ZRANB3: variants seen among roughly 807,000 people sequenced by gnomAD.
ZRANB3 encodes the protein zinc finger RANBP2-type containing 3, also known as DNA annealing helicase and endonuclease ZRANB3.
ZRANB3 carries 125 observed loss-of-function variants against 133.8 expected under a neutral mutation model. The observed-to-expected ratio is 0.93, with a 90% CI of 0.81 to 1.08. The LOEUF (loss-of-function observed/expected upper bound fraction) is 1.08. Among genes scored for constraint, ZRANB3 ranks in the 50% least tolerant of loss-of-function variants. ZRANB3 has a pLI of 0.00. For synonymous variants in ZRANB3, 387 were observed against 432.7 expected (o/e 0.89, Z 1.31); for missense variants, 1,229 against 1,275.5 (o/e 0.96, Z 0.56).
Position 135,390,795 on chromosome 2 carries a change from CACTT to C in ZRANB3, c.180+3_180+6del, listed in dbSNP as rs747114413. 1.2e-5 allele frequency: 18 copies of C among 1,525,152 alleles called. No individual in the cohort carries two copies. In the East Asian group the frequency reaches 2.7e-4, roughly 23 times the overall value. 94.5% of individuals were successfully genotyped at this position (1,525,152 alleles called of 1,614,324 possible). Reference sequence around the variant, plus strand: ...ATAAAAGACATAAAAACCATTGAAACACTTACTTCATCAGCCACCATACACCTGG... The same window carrying C: ...ATAAAAGACATAAAAACCATTGAAACACTTCATCAGCCACCATACACCTGG... On this transcript the variant is annotated splice_donor_5th_base_variant and intron_variant, in intron 3 of 20. Transcript: ENST00000264159.
At chr2:135,300,489 T>C (rs185680517) in intron 8 of ZRANB3, among the ~76,000 whole-genome samples, 233 of 152,302 alleles carry the variant, frequency 1.5e-3, no homozygotes, top group African/African-American at 5.2e-3. Flanking sequence ...AAAGAAAATT[T>C]CTACTATCTA....
At chr2:135,414,101 C>A (rs1688441352) in intron 2 of ZRANB3, among the ~76,000 whole-genome samples, 1 of 151,692 alleles carries the variant, frequency 6.6e-6, no homozygotes. Flanking sequence ...TCACACATAA[C>A]AATATTAACC....
intron 5 of ZRANB3, among the ~76,000 whole-genome samples, chr2:135,348,232 C>T (rs1685035619): frequency 1.3e-5 from 2 of 150,602 alleles, no homozygotes; most frequent in Admixed American, 6.6e-5. Flanking sequence ...GCACTCCAGC[C>T]TGGGCAACAG....
At position 135,403,886 on chromosome 2, in the gene ZRANB3, A is replaced by G. The variant is rs185459709; in HGVS notation, c.162-13066T>C. The stretch of plus-strand genomic sequence containing the variant: ...GCAAACTCCAACAGACCTGCAGCTG[A>G]GGGTCCTGACTGTTAGAAGGAAAAC... On this transcript the variant is annotated intron_variant, in intron 2 of 20. Transcript: ENST00000264159. Among the ~76,000 whole-genome samples, 840 of 152,356 alleles carry G rather than the reference A, an allele frequency of 5.5e-3. 5 individuals carry two copies. The highest frequency in any genetic ancestry group is 9.1e-3 in the Non-Finnish European group (616 of 68,034).
intron 2 of ZRANB3, among the ~76,000 whole-genome samples, chr2:135,461,291 C>T (rs1690751749): frequency 1.3e-5 from 2 of 152,108 alleles, no homozygotes; most frequent in South Asian, 4.1e-4. Context: ...TAAATCTGGC[C>T]AGGCACGGTG....
At chr2:135,396,152 A>G (rs1425717879) in intron 2 of ZRANB3, among the ~76,000 whole-genome samples, 2 of 152,206 alleles carry the variant, frequency 1.3e-5, no homozygotes, top group South Asian at 2.1e-4. Flanking sequence ...AATGAAAGAC[A>G]GGCAACAACA....
chr2:135,298,016 G>A (rs183089291), intron 8 of ZRANB3, among the ~76,000 whole-genome samples: 74 of 152,218 alleles, frequency 4.9e-4, no homozygotes, highest in Admixed American at 2.0e-3. Flanking sequence ...ATAACCTGAC[G>A]TCAGGAGTTA....
chr2:135,516,779 TG>T (rs1309186951), intron 1 of ZRANB3, among the ~76,000 whole-genome samples: 1 of 152,162 alleles, frequency 6.6e-6, no homozygotes, highest in Admixed American at 6.5e-5. Flanking sequence ...GGAGCATCTT[TG>T]TGGTGTTCTC....
chr2:135,375,634 G>A (rs988385308), intron 3 of ZRANB3, among the ~76,000 whole-genome samples: 3 of 151,600 alleles, frequency 2.0e-5, no homozygotes, highest in Non-Finnish European at 2.9e-5. Context: ...GCAGTGAGCC[G>A]AGATTGTGCC....
At chr2:135,411,758 A>C (rs1688312279) in intron 2 of ZRANB3, among the ~76,000 whole-genome samples, 1 of 152,028 alleles carries the variant, frequency 6.6e-6, no homozygotes, top group Non-Finnish European at 1.5e-5. Context: ...GCCACTGGGG[A>C]CTCCAAAAGG....
At chr2:135,493,030 T>A (rs904560177) in intron 2 of ZRANB3, among the ~76,000 whole-genome samples, 1 of 146,580 alleles carries the variant, frequency 6.8e-6, no homozygotes, top group Non-Finnish European at 1.5e-5. Context: ...TAACTAGATA[T>A]TGGTATGAAG....
At chr2:135,475,312 G>GA (rs1691457970) in intron 2 of ZRANB3, among the ~76,000 whole-genome samples, 2 of 152,168 alleles carry the variant, frequency 1.3e-5, no homozygotes, top group African/African-American at 4.8e-5. Flanking sequence ...TGCTAGAGAG[G>GA]AACCTCTTCC....
chr2:135,356,488 T>C (rs1685442153), intron 3 of ZRANB3, among the ~76,000 whole-genome samples: 1 of 152,160 alleles, frequency 6.6e-6, no homozygotes, highest in Non-Finnish European at 1.5e-5. Context: ...AAAGGGAAAC[T>C]AGCATAAGTA....
intron 13 of ZRANB3, 21 bp from the exon 14 acceptor site, chr2:135,228,036 AC>A: frequency 6.8e-7 from 1 of 1,478,318 alleles, no homozygotes. Context: ...AAAAATTATT[AC>A]AAAAATGTAA....
At chr2:135,422,863 T>C (rs1056864372) in intron 2 of ZRANB3, among the ~76,000 whole-genome samples, 1 of 152,230 alleles carries the variant, frequency 6.6e-6, no homozygotes, top group Admixed American at 6.5e-5. Flanking sequence ...CAGAGTATTT[T>C]AGTTTCCAAG....
At chr2:135,422,617 A>G (rs1204589983) in intron 2 of ZRANB3, among the ~76,000 whole-genome samples, 2 of 152,184 alleles carry the variant, frequency 1.3e-5, no homozygotes, top group African/African-American at 4.8e-5. Context: ...GGGGAATTCT[A>G]CTTCAATAGG....
rs1693931664 is a variant in ZRANB3, at chr2:135,207,668, T to C, written c.2775A>G (p.Ala925=). 1 of 1,614,052 alleles carries C rather than the reference T, an allele frequency of 6.2e-7. No homozygotes were observed. The highest frequency in any genetic ancestry group is 8.5e-7 in the Non-Finnish European group (1 of 1,179,900). ...CQQPTCQTKQ[A]CKANSWDSRF... is the part of the protein sequence containing the mutation. Reference sequence around the variant, plus strand: ...GTGAATCCCAAGAGTTCGCTTTACATGCTTGCTTAGTCTGGCAAGTGGGTT... The same window carrying C: ...GTGAATCCCAAGAGTTCGCTTTACACGCTTGCTTAGTCTGGCAAGTGGGTT... The change falls in exon 19 of 21, where the codon GCA becomes GCG. Residue 925 remains alanine, a synonymous_variant. Coordinates refer to ENST00000264159, the MANE Select transcript of ZRANB3 (RefSeq NM_032143.4).
At chr2:135,204,358 C>T (rs1454384884) in intron 19 of ZRANB3, among the ~76,000 whole-genome samples, 1 of 152,106 alleles carries the variant, frequency 6.6e-6, no homozygotes, top group Non-Finnish European at 1.5e-5. Flanking sequence ...TTTGGTTTTG[C>T]CTTTTTAAAC....
At chr2:135,283,176 T>C (rs1681174333) in intron 8 of ZRANB3, among the ~76,000 whole-genome samples, 1 of 152,120 alleles carries the variant, frequency 6.6e-6, no homozygotes, top group South Asian at 2.1e-4. Flanking sequence ...TCCCAGCTAC[T>C]TGGGAGGCTG....
Sources: allele counts gnomAD v4.1 joint callset (sites outside exome capture counted in the v4.1 genomes callset), GRCh38; gene constraint gnomAD v4.1.1; transcripts MANE v1.5; gene names NCBI Gene and HGNC (gene_info 2026-07-23, HGNC 2026-07-21).